ARB2A: variants seen among roughly 807,000 people sequenced by gnomAD.
ARB2A encodes cotranscriptional regulator ARB2A.
the ARB2A span, among the ~76,000 whole-genome samples, chr5:93,770,832 T>A: frequency 6.6e-5 from 10 of 152,190 alleles, no homozygotes; most frequent in African/African-American, 2.4e-4. Flanking sequence ...GAACATTCCA[T>A]GCTCATGGGT....
the ARB2A span, among the ~76,000 whole-genome samples, chr5:93,769,804 G>C: frequency 7.2e-5 from 11 of 152,124 alleles, no homozygotes; most frequent in Non-Finnish European, 1.5e-4. Flanking sequence ...AAATACTTTA[G>C]TGATAAATGG....
chr5:94,100,842 C>T, the ARB2A span, among the ~76,000 whole-genome samples: 7 of 152,090 alleles, frequency 4.6e-5, no homozygotes, highest in Admixed American at 3.9e-4. Context: ...CCCTGGAAAA[C>T]AACCTAGGCA....
chr5:93,643,494 T>A, the ARB2A span, among the ~76,000 whole-genome samples: 1 of 152,168 alleles, frequency 6.6e-6, no homozygotes, highest in Admixed American at 6.5e-5. Flanking sequence ...AGACTTTTTA[T>A]TTATTTATTT....
At chr5:93,922,920 G>A in the ARB2A span, among the ~76,000 whole-genome samples, 5 of 152,120 alleles carry the variant, frequency 3.3e-5, no homozygotes, top group African/African-American at 4.8e-5. Context: ...AATTGGTACC[G>A]TATAGAAACA....
the ARB2A span, among the ~76,000 whole-genome samples, chr5:94,025,252 C>T: frequency 8.5e-5 from 13 of 152,182 alleles, no homozygotes. Flanking sequence ...TCTGGATGCT[C>T]AGAAGTCCAA....
At chr5:93,709,632 C>CAAAAA in the ARB2A span, among the ~76,000 whole-genome samples, 15 of 41,668 alleles carry the variant, frequency 3.6e-4, no homozygotes, top group African/African-American at 8.9e-4. Flanking sequence ...GACTCTGTCA[C>CAAAAA]AAAAAAAAAA....
chr5:93,815,904 C>T, the ARB2A span, among the ~76,000 whole-genome samples: 3 of 152,292 alleles, frequency 2.0e-5, no homozygotes, highest in Middle Eastern at 3.4e-3. Flanking sequence ...AGCTCACCTT[C>T]TATTCCCTCT....
the ARB2A span, among the ~76,000 whole-genome samples, chr5:94,054,519 G>A: frequency 6.6e-6 from 1 of 152,128 alleles, no homozygotes; most frequent in African/African-American, 2.4e-5. Context: ...ATTCTCAACA[G>A]ATCATGGCAA....
At chr5:93,625,018 AT>A in the ARB2A span, among the ~76,000 whole-genome samples, 595 of 152,266 alleles carry the variant, frequency 3.9e-3, 5 homozygotes, top group African/African-American at 0.014. Context: ...TATGAAAAAA[AT>A]ATCATAACTG....
chr5:94,025,595 A>G, the ARB2A span, among the ~76,000 whole-genome samples: 2 of 152,146 alleles, frequency 1.3e-5, no homozygotes, highest in East Asian at 3.9e-4. Context: ...TAAAGACCTA[A>G]GCGAAACCAA....
the ARB2A span, chr5:93,776,081 A>G: frequency 8.5e-7 from 1 of 1,177,312 alleles, no homozygotes; most frequent in Non-Finnish European, 1.2e-6. Context: ...AATTCACAAA[A>G]CAGAATTCTA....
chr5:93,653,563 A>C, the ARB2A span, among the ~76,000 whole-genome samples: 100 of 137,310 alleles, frequency 7.3e-4, no homozygotes, highest in African/African-American at 2.6e-3. Flanking sequence ...AAAAGACATT[A>C]ATTCTTCTTT....
chr5:93,858,017 G>A, the ARB2A span, among the ~76,000 whole-genome samples: 1 of 152,154 alleles, frequency 6.6e-6, no homozygotes, highest in Non-Finnish European at 1.5e-5. Flanking sequence ...TAATGGCTAT[G>A]ATTTATTACT....
chr5:94,054,961 T>C, the ARB2A span, among the ~76,000 whole-genome samples: 1 of 152,160 alleles, frequency 6.6e-6, no homozygotes, highest in African/African-American at 2.4e-5. Flanking sequence ...TCTTACCTTT[T>C]TGCTTTTCAT....
chr5:94,046,702 G>A, the ARB2A span, among the ~76,000 whole-genome samples: 3 of 152,120 alleles, frequency 2.0e-5, no homozygotes, highest in African/African-American at 7.2e-5. Flanking sequence ...CCTCAAGCTA[G>A]CTTCGGGATA....
At chr5:93,896,878 A>T in the ARB2A span, among the ~76,000 whole-genome samples, 2 of 152,050 alleles carry the variant, frequency 1.3e-5, no homozygotes, top group African/African-American at 2.4e-5. Context: ...ATAAATGATT[A>T]AAAAATACAT....
the ARB2A span, among the ~76,000 whole-genome samples, chr5:93,802,234 T>C: frequency 1.3e-5 from 2 of 152,108 alleles, no homozygotes; most frequent in Non-Finnish European, 2.9e-5. Context: ...GAGAGTGATA[T>C]ATGTGCCAAA....
At chr5:93,977,934 A>G in the ARB2A span, among the ~76,000 whole-genome samples, 2 of 152,090 alleles carry the variant, frequency 1.3e-5, no homozygotes, top group Non-Finnish European at 2.9e-5. Context: ...AAAACAAATA[A>G]CCTCATCAAA....
At chr5:93,958,198 TA>T in the ARB2A span, among the ~76,000 whole-genome samples, 158 of 152,226 alleles carry the variant, frequency 1.0e-3, no homozygotes, top group Non-Finnish European at 2.0e-3. Flanking sequence ...AAGTATTCAT[TA>T]AACATTACAT....
Sources: allele counts gnomAD v4.1 joint callset (sites outside exome capture counted in the v4.1 genomes callset), GRCh38; gene constraint gnomAD v4.1.1; transcripts MANE v1.5; gene names NCBI Gene and HGNC (gene_info 2026-07-23, HGNC 2026-07-21).